Variants in TOP2A observed in about 807,000 individuals in gnomAD.
The protein encoded by TOP2A is DNA topoisomerase II alpha.
A neutral mutation model predicts 187.2 loss-of-function variants in TOP2A; 68 were observed. That is an observed-to-expected ratio of 0.36 (90% CI 0.30 to 0.44). TOP2A has a LOEUF of 0.44. TOP2A is among the 20% of genes least tolerant of loss of function. TOP2A has a pLI of 1.00. For synonymous variants in TOP2A, 542 were observed against 593.2 expected (o/e 0.91, Z 1.25); for missense variants, 1,196 against 1,808.7 (o/e 0.66, Z 6.14).
intron 1 of TOP2A, among the ~76,000 whole-genome samples, chr17:40,417,415 G>C: frequency 6.6e-6 from 1 of 152,050 alleles, no homozygotes; most frequent in East Asian, 1.9e-4. Flanking sequence ...CAAGATCGGG[G>C]ACATTCAAGA....
Position 40,400,263 on chromosome 17 carries a change from T to G in TOP2A, c.2946A>C (p.Arg982Ser), listed in dbSNP as rs1271351504. 6.2e-7 allele frequency: 1 copy of G among 1,613,908 alleles called. No individual in the cohort carries two copies. The change falls in exon 23 of 35, where the codon AGA (arginine) becomes AGC (serine). Residue 982 changes from arginine (R) to serine (S), a missense_variant. This residue lies in a region of TOP2A where 232 missense variants were observed against 306.1 expected (regional missense o/e 0.76). Transcript: ENST00000423485. ...GTTTGAAGACTTTGTGTAGTCCAAC[T>G]CTCTCTGCCTCTGCCAGTTTTTCTT... ...MTEEKLAEAERVGLHKVFKLQ... is the reference protein window; with the variant it reads ...MTEEKLAEAESVGLHKVFKLQ...
At chr17:40,391,859 G>A in intron 32 of TOP2A, 1 of 763,422 alleles carries the variant, frequency 1.3e-6, no homozygotes, top group Non-Finnish European at 2.0e-6. Context: ...AAAGTACCTG[G>A]CAAGCACTAT....
At chr17:40,392,491 T>C (rs1423621547) in intron 30 of TOP2A, 94 bp downstream of exon 30, 8 of 1,486,438 alleles carry the variant, frequency 5.4e-6, no homozygotes, top group Non-Finnish European at 7.3e-6. Context: ...TACTGCTCTA[T>C]TAAGACACAG....
At position 40,391,886 on chromosome 17, in the gene TOP2A, CTGAA is replaced by C. The variant is rs2143621053; in HGVS notation, c.4132+178_4132+181del. 1.3e-5 allele frequency: 10 copies of C among 765,978 alleles called. No homozygotes were observed. In the South Asian group the frequency reaches 2.0e-4, roughly 16 times the overall value. 47.4% of individuals were successfully genotyped at this position (765,978 alleles called of 1,614,324 possible). Reference sequence around the variant, plus strand: ...AAGCACTATGATTACTTTTAGTATACTGAATGCAGTACCTATTTACATGTGAAAC... The same window carrying C: ...AAGCACTATGATTACTTTTAGTATACTGCAGTACCTATTTACATGTGAAAC... On this transcript the variant is annotated intron_variant, in intron 32 of 34. Transcript: ENST00000423485.
chr17:40,407,387 G>A (rs1353397688), intron 13 of TOP2A, among the ~76,000 whole-genome samples, 162 bp downstream of exon 13: 1 of 152,152 alleles, frequency 6.6e-6, no homozygotes, highest in Admixed American at 6.5e-5. Flanking sequence ...ACCTGTATTT[G>A]CAACATACAT....
chr17:40,416,924 A>G (rs1335595966), intron 1 of TOP2A, 29 bp from the exon 2 acceptor site: 8 of 1,556,270 alleles, frequency 5.1e-6, no homozygotes, highest in Non-Finnish European at 6.9e-6. Context: ...GAGAGAAAGA[A>G]GGGAATTTTT....
At position 40,408,630 on chromosome 17, in the gene TOP2A, C is replaced by T; in HGVS notation, c.1204G>A (p.Ala402Thr). The T allele has an allele frequency of 1.2e-6, 2 of 1,613,560 alleles. No individual in the cohort carries two copies. The highest frequency in any genetic ancestry group is 1.7e-6 in the Non-Finnish European group (2 of 1,179,760). ...CTTTCTACAATACCACAGCCAATGG[C>T]CTGAAAACGAGAAGATTCATATTAG... ...CQLSEKFIKAAIGCGIVESIL... is the reference protein window; with the variant it reads ...CQLSEKFIKATIGCGIVESIL... The change falls in exon 11 of 35, where the codon GCC (alanine) becomes ACC (threonine). Residue 402 changes from alanine (A) to threonine (T), a missense_variant and splice_region_variant. Physicochemically the swap from Ala to Thr is moderately conservative, Grantham distance 58. This residue lies in a region of TOP2A where 252 missense variants were observed against 434.8 expected (regional missense o/e 0.58). Transcript: ENST00000423485.
chr17:40,400,871 A>T lies in TOP2A; in HGVS notation c.2643T>A (p.Asp881Glu), dbSNP rs368076464. The T allele has an allele frequency of 8.1e-6, 13 of 1,614,028 alleles. No individual in the cohort carries two copies. The highest frequency in any genetic ancestry group is 1.1e-5 in the Non-Finnish European group (13 of 1,179,884). ...EIVNNIRRLMDGEEPLPMLPS... is the reference protein window; with the variant it reads ...EIVNNIRRLMEGEEPLPMLPS... ...TTACCATTGGCAAAGGTTCTTCTCC[A>T]TCCATCAAACGCCTGATGTTATTTA... Residue 881 changes from aspartate to glutamate, a missense_variant, in exon 21 of 35, where the codon GAT becomes GAA. This residue lies in a region of TOP2A where 232 missense variants were observed against 306.1 expected (regional missense o/e 0.76). Coordinates refer to ENST00000423485, the MANE Select transcript of TOP2A (RefSeq NM_001067.4).
Position 40,416,087 on chromosome 17 carries a change from T to C in TOP2A, c.269-19A>G, listed in dbSNP as rs777015441. The C allele has an allele frequency of 2.6e-6, 4 of 1,520,050 alleles. No homozygotes were observed. The highest frequency in any genetic ancestry group is 1.2e-5 in the South Asian group (1 of 83,794). 94.2% of individuals were successfully genotyped at this position (1,520,050 alleles called of 1,614,324 possible). A position where few individuals can be genotyped will look rare whatever the true frequency, so the allele number is the denominator to read the frequency against. ...GCATTAACTGAAAGAAAATAAAATA[T>C]ACATTTGTAAGAAATTAGTGTTTTA... On this transcript the variant is annotated intron_variant, in intron 3 of 34. Transcript: ENST00000423485.
rs780368100 is a variant in TOP2A, at chr17:40,392,095, G to A, written c.4105C>T (p.Leu1369=). The A allele has an allele frequency of 1.1e-5, 17 of 1,611,922 alleles. No homozygotes were observed. The highest frequency in any genetic ancestry group is 8.4e-5 in the Admixed American group (5 of 59,734). ...KTSPKLSNKE[L]KPQKSVVSDL... ...GACACGACACTTTTCTGTGGTTTCAGTTCTTTGTTACTAAGTCTAGAATTA... is the reference window on the plus strand; with the variant it reads ...GACACGACACTTTTCTGTGGTTTCAATTCTTTGTTACTAAGTCTAGAATTA... Residue 1369 remains leucine, a synonymous_variant, in exon 32 of 35, where the codon CTG becomes TTG. Coordinates refer to ENST00000423485, the MANE Select transcript of TOP2A (RefSeq NM_001067.4).
chr17:40,410,049 C>T (rs1203827143), intron 10 of TOP2A: 1 of 164,398 alleles, frequency 6.1e-6, no homozygotes, highest in Non-Finnish European at 1.3e-5. Flanking sequence ...GATCGTGCCA[C>T]TGCATTCCAG....
At chr17:40,407,471 A>T in intron 13 of TOP2A, 78 bp downstream of exon 13, 15 of 1,231,676 alleles carry the variant, frequency 1.2e-5, no homozygotes, top group Non-Finnish European at 1.7e-5. Flanking sequence ...ATTTATTTTC[A>T]TGGCAAAAAA....
chr17:40,417,603 G>A, intron 1 of TOP2A, 168 bp downstream of exon 1: 1 of 1,476,186 alleles, frequency 6.8e-7, no homozygotes, highest in South Asian at 1.3e-5. Flanking sequence ...AGCACCAGAA[G>A]GGGCTTCCGC....
At chr17:40,401,207 A>T in intron 20 of TOP2A, 126 bp from the exon 21 acceptor site, 2 of 784,564 alleles carry the variant, frequency 2.5e-6, no homozygotes, top group Non-Finnish European at 4.0e-6. Context: ...ATATACATTT[A>T]ACAATATTTA....
chr17:40,389,599 C>G lies in TOP2A; in HGVS notation c.4516G>C (p.Val1506Leu), dbSNP rs761993788. Residue 1506 changes from valine (V) to leucine (L), a missense_variant, in exon 35 of 35, where the codon GTG becomes CTG. By Grantham distance (32) the Val-to-Leu change is conservative. Transcript: ENST00000423485. ...CGTACAGATTTTGCCCGAGGAGCCA[C>G]AGCTGAGTCAAAGTCCATATGGAAG... ...DDFHMDFDSAVAPRAKSVRAK... is the reference protein window; with the variant it reads ...DDFHMDFDSALAPRAKSVRAK... 4 of 1,608,008 alleles carry G rather than the reference C, an allele frequency of 2.5e-6. No individual in the cohort carries two copies. The African/African-American group carries it at 4.0e-5, about 16-fold the overall frequency.
chr17:40,399,302 A>G, intron 24 of TOP2A, 171 bp from the exon 25 acceptor site: 1 of 594,612 alleles, frequency 1.7e-6, no homozygotes, highest in Non-Finnish European at 2.9e-6. Context: ...TGACAAATGT[A>G]AATTACCACA....
chr17:40,417,504 T>C lies in TOP2A; in HGVS notation c.21+267A>G, dbSNP rs1179075818. ...ACGTCGCACCCGGGCCGCTGTAACA[T>C]GGATCCACTACGGGACCAACGGACT... On this transcript the variant is annotated intron_variant, in intron 1 of 34. Transcript: ENST00000423485. The C allele has an allele frequency of 6.5e-6, 9 of 1,392,220 alleles. No homozygotes were observed. The East Asian group carries it at 2.1e-4, about 32-fold the overall frequency. The allele number at this position is 1,392,220 out of a possible 1,614,324, so 86.2% of individuals were successfully genotyped here. A position where few individuals can be genotyped will look rare whatever the true frequency, so the allele number is the denominator to read the frequency against.
At chr17:40,415,250 T>A (rs1488447682) in intron 4 of TOP2A, among the ~76,000 whole-genome samples, 2 of 152,006 alleles carry the variant, frequency 1.3e-5, no homozygotes, top group Non-Finnish European at 2.9e-5. Context: ...GAGACAGGGT[T>A]TCACCGTGTT....
At chr17:40,417,001 ATC>A in intron 1 of TOP2A, 106 bp from the exon 2 acceptor site, 2 of 975,326 alleles carry the variant, frequency 2.1e-6, no homozygotes, top group Non-Finnish European at 3.0e-6. Context: ...ATGCATTGCA[ATC>A]TGTTAGTAGG....
Sources: allele counts gnomAD v4.1 joint callset (sites outside exome capture counted in the v4.1 genomes callset), GRCh38; gene constraint gnomAD v4.1.1; regional missense constraint gnomAD v4.1.1; transcripts MANE v1.5; gene names NCBI Gene and HGNC (gene_info 2026-07-23, HGNC 2026-07-21).